Variants in SEC31B observed in about 807,000 individuals in gnomAD.
The protein encoded by SEC31B is protein transport protein Sec31B.
A neutral mutation model predicts 135.0 loss-of-function variants in SEC31B; 113 were observed. The observed-to-expected ratio is 0.84, with a 90% CI of 0.72 to 0.98. SEC31B has a LOEUF of 0.98. SEC31B is among the 50% of genes least tolerant of loss of function. SEC31B has a pLI of 0.00. For missense variants in SEC31B, 1,296 were observed against 1,421.1 expected (o/e 0.91, Z 1.42); for synonymous variants, 508 against 549.4 (o/e 0.92, Z 1.05).
At chr10:100,515,559 T>C (rs1476130371) in intron 3 of SEC31B, among the ~76,000 whole-genome samples, 2 of 152,170 alleles carry the variant, frequency 1.3e-5, no homozygotes, top group African/African-American at 4.8e-5. Flanking sequence ...ATGGTACTTA[T>C]CACTTAGGTT....
rs752048704 is a variant in SEC31B, at chr10:100,489,719, T to C, written c.3008A>G (p.Asn1003Ser). Reference protein sequence around the residue: ...SWKEAPAPRGNLQRNKLPETF... With the variant: ...SWKEAPAPRGSLQRNKLPETF... ...TGCATTGACCTTGTTCCTCTGGAGG[T>C]TTCCCCTGGGGGCTGGGGCTTCTTT... is the stretch of plus-strand genomic sequence containing the variant. Residue 1003 changes from asparagine to serine, a missense_variant, in exon 22 of 26, where the codon AAC becomes AGC. Transcript: ENST00000370345. 3.7e-6 allele frequency: 6 copies of C among 1,613,590 alleles called. No individual in the cohort carries two copies. Among genetic ancestry groups the C allele is most frequent in the South Asian group, 3.3e-5 (3 of 91,086 alleles).
intron 1 of SEC31B, among the ~76,000 whole-genome samples, chr10:100,518,810 G>A (rs536284466): frequency 2.0e-5 from 3 of 152,300 alleles, no homozygotes; most frequent in East Asian, 3.9e-4. Context: ...ACTTTCTAGC[G>A]TGAAGAAAGT....
chr10:100,518,326 C>A (rs1259973429), intron 1 of SEC31B, among the ~76,000 whole-genome samples: 4 of 152,192 alleles, frequency 2.6e-5, no homozygotes, highest in African/African-American at 4.8e-5. Flanking sequence ...AATGCTCTTC[C>A]CTTCACTTTC....
intron 10 of SEC31B, 53 bp downstream of exon 10, chr10:100,505,308 A>G: frequency 6.3e-7 from 1 of 1,586,606 alleles, no homozygotes; most frequent in South Asian, 1.2e-5. Context: ...AAACACACAC[A>G]CACACACACA....
intron 3 of SEC31B, among the ~76,000 whole-genome samples, chr10:100,514,053 C>T (rs910364795): frequency 8.6e-5 from 13 of 151,930 alleles, no homozygotes; most frequent in East Asian, 7.8e-4. Context: ...GGCATGGTGG[C>T]GCACCCCTGT....
chr10:100,491,914 G>A (rs557739302), intron 19 of SEC31B, among the ~76,000 whole-genome samples: 178 of 152,354 alleles, frequency 1.2e-3, no homozygotes, highest in African/African-American at 4.0e-3. Context: ...TGCCATGTGA[G>A]AACACAGCAG....
Position 100,498,762 on chromosome 10 carries a change from A to C in SEC31B, c.1627T>G (p.Phe543Val), listed in dbSNP as rs746121939. Residue 543 changes from phenylalanine to valine, a missense_variant, in exon 14 of 26, where the codon TTC (phenylalanine) becomes GTC (valine). By Grantham distance (50) the Phe-to-Val change is conservative (BLOSUM62 -1). Transcript: ENST00000370345. ...TTKEASASSA[F>V]FDELVPQNMT... ...TTCTGAGGGACCAGCTCATCAAAGA[A>C]GGCTGAGGAAGCAGAGGCTTCCTTT... 1.2e-6 allele frequency: 2 copies of C among 1,613,862 alleles called. No homozygotes were observed. Among genetic ancestry groups the C allele is most frequent in the Non-Finnish European group, 1.7e-6 (2 of 1,179,926 alleles).
Position 100,499,200 on chromosome 10 carries a change from T to C in SEC31B, c.1544A>G (p.Asn515Ser), listed in dbSNP as rs376788144. The C allele has an allele frequency of 3.7e-6, 6 of 1,613,920 alleles. No individual in the cohort carries two copies. Among genetic ancestry groups the C allele is most frequent in the Middle Eastern group, 1.6e-4 (1 of 6,084 alleles). The stretch of plus-strand genomic sequence containing the variant: ...CTGTTGTCTGTCACTGTTGAGGTCA[T>C]TTCCCTTGGGCTGAGGACTCTCACC... Reference protein sequence around the residue: ...GLGESPQPKGNDLNSDRQQAF... With the variant: ...GLGESPQPKGSDLNSDRQQAF... Residue 515 changes from asparagine (N) to serine (S), a missense_variant, in exon 13 of 26, where the codon AAT (asparagine) becomes AGT (serine). Transcript: ENST00000370345.
chr10:100,505,295 CACAA>C (rs1851605083), intron 10 of SEC31B, 62 bp downstream of exon 10: 9 of 1,559,348 alleles, frequency 5.8e-6, no homozygotes, highest in African/African-American at 1.5e-5. Flanking sequence ...TGGTAGGCTT[CACAA>C]ACACACACAC....
chr10:100,490,235 G>C lies in SEC31B; in HGVS notation c.2738C>G (p.Ser913Cys), dbSNP rs1432276526. Reference protein sequence around the residue: ...GFPGTWPLPGSPLPMACPGIM... With the variant: ...GFPGTWPLPGCPLPMACPGIM... The stretch of plus-strand genomic sequence containing the variant: ...GCCTGGGCATGCCATGGGTAGAGGG[G>C]AACCAGGAAGAGGCCATGTCCCAGG... Residue 913 changes from serine to cysteine, a missense_variant, in exon 21 of 26, where the codon TCC becomes TGC. Ser to Cys is a moderately radical substitution (Grantham distance 112, BLOSUM62 -1). Transcript: ENST00000370345. 1 of 1,613,572 alleles carries C rather than the reference G, an allele frequency of 6.2e-7. No homozygotes were observed. Among genetic ancestry groups the C allele is most frequent in the Non-Finnish European group, 8.5e-7 (1 of 1,179,792 alleles).
At chr10:100,507,127 CATT>C (rs1013522865) in intron 7 of SEC31B, among the ~76,000 whole-genome samples, 3 of 152,172 alleles carry the variant, frequency 2.0e-5, no homozygotes, top group Admixed American at 6.5e-5. Flanking sequence ...AAGAAATGAA[CATT>C]ATCCTCATAT....
rs775125437 is a variant in SEC31B at position 100,490,203 on chromosome 10, G to A, written c.2770C>T (p.Arg924Ter). The change falls in exon 21 of 26, where the codon CGA becomes TGA. Residue 924 changes from arginine to a stop codon, truncating the protein, a stop_gained. Transcript: ENST00000370345. LOFTEE classifies it high-confidence loss of function. ...PLPMACPGIMRPGSTSLPETP... is the reference protein window; with the variant it reads ...PLPMACPGIM ...TCAGGCAGGGAGGTAGAGCCAGGTC[G>A]CATGATGCCTGGGCATGCCATGGGT... The A allele has an allele frequency of 8.6e-5, 139 of 1,610,458 alleles. No individual in the cohort carries two copies. Among genetic ancestry groups the A allele is most frequent in the African/African-American group, 3.7e-4 (28 of 74,738 alleles).
At chr10:100,507,754 A>G (rs1262306212) in intron 6 of SEC31B, among the ~76,000 whole-genome samples, 154 bp downstream of exon 6, 4 of 152,178 alleles carry the variant, frequency 2.6e-5, no homozygotes, top group Non-Finnish European at 5.9e-5. Context: ...TAGCTTCCCT[A>G]AGTTTTCACT....
chr10:100,507,831 G>A (rs1851662503), intron 6 of SEC31B, 77 bp downstream of exon 6: 3 of 1,581,548 alleles, frequency 1.9e-6, no homozygotes, highest in Non-Finnish European at 2.6e-6. Context: ...ACTCTGGCCT[G>A]GGGCAGAGCA....
In SEC31B at chr10:100,517,078, C is replaced by T. The variant is rs893008384; in HGVS notation, c.-45-81G>A. 3 of 698,890 alleles carry T rather than the reference C, an allele frequency of 4.3e-6. No individual in the cohort carries two copies. The African/African-American group carries it at 5.3e-5, about 12-fold the overall frequency. 43.3% of individuals were successfully genotyped at this position (698,890 alleles called of 1,614,324 possible). On this transcript the variant is annotated intron_variant, in intron 1 of 25. Coordinates refer to ENST00000370345, the MANE Select transcript of SEC31B (RefSeq NM_015490.4). ...AGAGTTCTTGTTTGTCTTTCTCCAT[C>T]ACAAGATAGGGCATTTCAGGGCAAC...
chr10:100,515,278 T>A (rs1033533914), intron 3 of SEC31B, among the ~76,000 whole-genome samples: 5 of 152,130 alleles, frequency 3.3e-5, no homozygotes, highest in African/African-American at 1.2e-4. Context: ...GGCGACAGAG[T>A]AAGACCCTGT....
At chr10:100,508,644 G>C in intron 5 of SEC31B, 1 of 408,240 alleles carries the variant, frequency 2.4e-6, no homozygotes, top group East Asian at 6.4e-5. Flanking sequence ...GTATGTCTGG[G>C]GTCCTACTCT....
chr10:100,511,324 T>G (rs752795325), intron 3 of SEC31B, among the ~76,000 whole-genome samples: 7 of 152,190 alleles, frequency 4.6e-5, no homozygotes, highest in Non-Finnish European at 8.8e-5. Context: ...TGGAGTTAAG[T>G]GAGGAAGGAG....
Position 100,509,320 on chromosome 10 carries a change from AAAGGATTC to A in SEC31B, c.387_394del (p.Leu129PhefsTer14), listed in dbSNP as rs762395910. ...TGACTAACTGAAATGTAGTACCTGG[AAAGGATTC>A]AAGTCGAGGGCTCTGACAGCCCCCG... On this transcript the variant is annotated frameshift_variant, in exon 4 of 26. Transcript: ENST00000370345. LOFTEE classifies it high-confidence loss of function. 28 of 1,613,042 alleles carry A rather than the reference AAAGGATTC, an allele frequency of 1.7e-5. 1 individual carries two copies. The highest frequency in any genetic ancestry group is 2.4e-5 in the Non-Finnish European group (28 of 1,179,790).
Sources: gnomAD v4.1 joint callset for allele counts (sites outside exome capture counted in the v4.1 genomes callset) on GRCh38, gnomAD v4.1.1 for gene constraint, MANE v1.5 for transcripts, NCBI Gene and HGNC (gene_info 2026-07-23, HGNC 2026-07-21) for gene names.